The following ZPBP variants were observed in gnomAD, a reference collection of about 807,000 sequenced individuals.
The protein encoded by ZPBP is zona pellucida binding protein.
A neutral mutation model predicts 44.8 loss-of-function variants in ZPBP; 26 were observed. The observed-to-expected ratio is 0.58, with a 90% CI of 0.43 to 0.81. The LOEUF (loss-of-function observed/expected upper bound fraction) is 0.81, where lower values mean the gene tolerates loss of function less well. Among genes scored for constraint, ZPBP ranks in the 30% least tolerant of loss-of-function variants. The pLI is 0.00. For missense variants in ZPBP, 409 were observed against 434.0 expected (o/e 0.94, Z 0.51); for synonymous variants, 174 against 153.2 (o/e 1.14, Z -1.00).
At chr7:49,920,849 G>A (rs947774651) in intron 1 of ZPBP, 2 of 152,162 alleles carry the variant, frequency 1.3e-5, no homozygotes, top group African/African-American at 4.8e-5. Flanking sequence ...GGTACCTGAT[G>A]AATGTAAAAT....
At chr7:50,037,140 TA>T (rs2128815189) in intron 4 of ZPBP, among the ~76,000 whole-genome samples, 1 of 152,190 alleles carries the variant, frequency 6.6e-6, no homozygotes, top group African/African-American at 2.4e-5. Context: ...CAAGAAGAAA[TA>T]AACTGAATAA....
At chr7:49,879,741 G>T (rs1009049073) in intron 2 of ZPBP, among the ~76,000 whole-genome samples, 3 of 150,106 alleles carry the variant, frequency 2.0e-5, no homozygotes, top group African/African-American at 7.6e-5. Flanking sequence ...TCTTTCCATG[G>T]TTATTTTTTT....
downstream of ZPBP, among the ~76,000 whole-genome samples, chr7:49,848,012 T>TA (rs1790017155): frequency 6.6e-6 from 1 of 152,198 alleles, no homozygotes; most frequent in African/African-American, 2.4e-5. Context: ...GAGATAGGGC[T>TA]AGCACAGCAT....
At chr7:49,890,050 A>T (rs1792065368) in intron 2 of ZPBP, among the ~76,000 whole-genome samples, 1 of 124,818 alleles carries the variant, frequency 8.0e-6, no homozygotes, top group Non-Finnish European at 1.7e-5. Context: ...ACCAAGGCCT[A>T]ATATTTTGTA....
intron 5 of ZPBP, among the ~76,000 whole-genome samples, chr7:50,026,042 T>C (rs545210326): frequency 6.6e-6 from 1 of 152,004 alleles, no homozygotes; most frequent in East Asian, 1.9e-4. Flanking sequence ...AAAGATATTT[T>C]GTGCAAATAG....
chr7:49,853,690 T>A (rs1393400821), intron 2 of ZPBP, among the ~76,000 whole-genome samples: 3 of 152,178 alleles, frequency 2.0e-5, no homozygotes, highest in Non-Finnish European at 4.4e-5. Flanking sequence ...ATCCTTTTTC[T>A]TTAGGAGCAT....
At chr7:50,083,419 A>G (rs1184865492) in intron 2 of ZPBP, among the ~76,000 whole-genome samples, 1 of 151,972 alleles carries the variant, frequency 6.6e-6, no homozygotes, top group Non-Finnish European at 1.5e-5. Flanking sequence ...ATAACTTTAA[A>G]GATGTCAATT....
intron 5 of ZPBP, among the ~76,000 whole-genome samples, chr7:50,025,931 A>C (rs990920921): frequency 6.6e-6 from 1 of 151,924 alleles, no homozygotes; most frequent in African/African-American, 2.4e-5. Context: ...AAAAGGCAGA[A>C]GTGGACATAA....
At chr7:49,870,769 G>A (rs747148083) in intron 2 of ZPBP, among the ~76,000 whole-genome samples, 23 of 152,316 alleles carry the variant, frequency 1.5e-4, no homozygotes, top group Non-Finnish European at 2.5e-4. Flanking sequence ...GCATGATAAT[G>A]CATGATTGGA....
At chr7:50,026,733 A>G (rs1040058228) in intron 5 of ZPBP, among the ~76,000 whole-genome samples, 1 of 151,904 alleles carries the variant, frequency 6.6e-6, no homozygotes, top group South Asian at 2.1e-4. Context: ...CAAACAAACA[A>G]AAAAACCACA....
chr7:49,956,192 C>A (rs1017672408), intron 7 of ZPBP, among the ~76,000 whole-genome samples: 3 of 152,016 alleles, frequency 2.0e-5, no homozygotes, highest in African/African-American at 4.8e-5. Context: ...TTTAAATTTT[C>A]TCTCTCTCAC....
intron 4 of ZPBP, among the ~76,000 whole-genome samples, chr7:50,048,737 C>T (rs538395986): frequency 2.2e-4 from 33 of 151,914 alleles, no homozygotes. Flanking sequence ...TAAAAGAAAG[C>T]TCTCACGTAG....
At chr7:49,936,131 G>C (rs1794613300), downstream of ZPBP, 2 of 152,286 alleles carry the variant, frequency 1.3e-5, no homozygotes, top group South Asian at 4.1e-4. Flanking sequence ...TGGAGATGTA[G>C]TAAGTCTTTT....
chr7:49,897,193 C>A (rs1414814976), intron 2 of ZPBP, among the ~76,000 whole-genome samples: 1 of 152,118 alleles, frequency 6.6e-6, no homozygotes, highest in Non-Finnish European at 1.5e-5. Flanking sequence ...CCGCGCCCGG[C>A]CGGATTGATA....
At chr7:49,937,155 C>A (rs1192530160), downstream of ZPBP, among the ~76,000 whole-genome samples, 2 of 152,004 alleles carry the variant, frequency 1.3e-5, no homozygotes, top group East Asian at 3.9e-4. Context: ...AAGAAAGAAA[C>A]AAACTGAAAT....
chr7:49,944,280 C>T, intron 7 of ZPBP: 1 of 321,102 alleles, frequency 3.1e-6, no homozygotes, highest in Non-Finnish European at 6.0e-6. Flanking sequence ...ATGATCTTAC[C>T]ACAGCTGTTC....
intron 2 of ZPBP, among the ~76,000 whole-genome samples, chr7:49,866,590 A>G (rs974687616): frequency 6.6e-6 from 1 of 152,152 alleles, no homozygotes; most frequent in African/African-American, 2.4e-5. Flanking sequence ...AAAGACGGAA[A>G]ACAGCCTCCT....
chr7:50,091,029 C>A (rs1802967509), intron 1 of ZPBP, among the ~76,000 whole-genome samples: 1 of 151,690 alleles, frequency 6.6e-6, no homozygotes, highest in African/African-American at 2.4e-5. Context: ...GGTGATATCA[C>A]ATTGTGGTTT....
At chr7:50,002,015 C>G (rs919729855) in intron 6 of ZPBP, among the ~76,000 whole-genome samples, 1 of 152,118 alleles carries the variant, frequency 6.6e-6, no homozygotes, top group Non-Finnish European at 1.5e-5. Context: ...ACACACACTA[C>G]CACACCTGGC....
Sources: gnomAD v4.1 joint callset for allele counts (sites outside exome capture counted in the v4.1 genomes callset) on GRCh38, gnomAD v4.1.1 for gene constraint, MANE v1.5 for transcripts, NCBI Gene and HGNC (gene_info 2026-07-23, HGNC 2026-07-21) for gene names.